The following VEPH1 variants were observed in gnomAD, a reference collection of about 807,000 sequenced individuals.
VEPH1 encodes ventricular zone-expressed PH domain-containing protein homolog 1.
Under a neutral mutation model 85.2 loss-of-function variants are expected in VEPH1, and 80 were observed. The observed-to-expected ratio is 0.94, with a 90% CI of 0.78 to 1.13. VEPH1 has a LOEUF of 1.13. VEPH1 is among the 50% of genes most tolerant of loss of function. The pLI, the probability that VEPH1 is intolerant of heterozygous loss-of-function variation, is 0.00. For synonymous variants in VEPH1, 297 were observed against 348.0 expected, an observed-to-expected ratio of 0.85 and a Z score of 1.63; for missense variants, 955 against 980.5, an observed-to-expected ratio of 0.97 and a Z score of 0.35.
chr3:157,435,662 G>A (rs1733514764), intron 4 of VEPH1, among the ~76,000 whole-genome samples: 1 of 152,186 alleles, frequency 6.6e-6, no homozygotes, highest in Non-Finnish European at 1.5e-5. Context: ...AGGGGCCCTA[G>A]CATCAGCTCA....
intron 11 of VEPH1, among the ~76,000 whole-genome samples, chr3:157,295,441 A>T (rs76742944): frequency 4.9e-5 from 7 of 142,592 alleles, no homozygotes; most frequent in Middle Eastern, 3.3e-3. Context: ...TGAAAAAATT[A>T]AAAAAAAAAA....
chr3:157,443,241 T>G (rs574613931), intron 4 of VEPH1: 3 of 367,242 alleles, frequency 8.2e-6, no homozygotes, highest in Admixed American at 8.3e-5. Flanking sequence ...TCAGATAAAC[T>G]CTCAAATAAT....
intron 11 of VEPH1, among the ~76,000 whole-genome samples, chr3:157,303,241 G>GTCTGACATTT (rs1323603728): frequency 6.6e-6 from 1 of 152,090 alleles, no homozygotes; most frequent in Non-Finnish European, 1.5e-5. Flanking sequence ...GCTCAGAGAA[G>GTCTGACATTT]GCTTCCTTGA....
chr3:157,295,458 A>T (rs946904713), intron 11 of VEPH1, among the ~76,000 whole-genome samples: 2 of 151,994 alleles, frequency 1.3e-5, no homozygotes, highest in African/African-American at 4.8e-5. Context: ...AAAAAGAATT[A>T]TCATTTTGTT....
At chr3:157,491,747 AT>A (rs535071961) in intron 2 of VEPH1, among the ~76,000 whole-genome samples, 2 of 151,880 alleles carry the variant, frequency 1.3e-5, no homozygotes, top group African/African-American at 4.8e-5. Flanking sequence ...AAAGACAATA[AT>A]TTTTTTTGCA....
chr3:157,469,597 GA>G (rs1316359604), intron 3 of VEPH1, among the ~76,000 whole-genome samples: 1 of 152,094 alleles, frequency 6.6e-6, no homozygotes, highest in Non-Finnish European at 1.5e-5. Flanking sequence ...ATTCAAAAGG[GA>G]AAAAAGAATT....
Position 157,369,192 on chromosome 3 carries a change from A to AAAAAC in VEPH1, c.1128-4681_1128-4680insGTTTT, listed in dbSNP as rs1553773121. Among the ~76,000 whole-genome samples the AAAAAC allele has an allele frequency of 1.3e-4, 19 of 142,702 alleles. 1 individual carries two copies. The South Asian group carries it at 1.7e-3, about 13-fold the overall frequency. 93.6% of individuals were successfully genotyped at this position (142,702 alleles called of 152,430 possible). A position where few individuals can be genotyped will look rare whatever the true frequency, so the allele number is the denominator to read the frequency against. On this transcript the variant is annotated intron_variant, in intron 7 of 13. Transcript: ENST00000362010. The stretch of plus-strand genomic sequence containing the variant: ...ACAAAAACCAAATGAAAAAAAAAAA[A>AAAAAC]AAAAAAAAAAAACCTCCTGAGGTCT...
At chr3:157,307,890 AT>A (rs1318705261) in intron 11 of VEPH1, among the ~76,000 whole-genome samples, 3 of 151,634 alleles carry the variant, frequency 2.0e-5, no homozygotes, top group Non-Finnish European at 4.4e-5. Flanking sequence ...ATATTAAAAA[AT>A]TTTTTATCAT....
At chr3:157,446,311 T>C (rs529470807) in intron 4 of VEPH1, among the ~76,000 whole-genome samples, 272 of 152,290 alleles carry the variant, frequency 1.8e-3, no homozygotes, top group African/African-American at 6.4e-3. Flanking sequence ...CCACGCAAAC[T>C]GGAACAGTTT....
intron 3 of VEPH1, among the ~76,000 whole-genome samples, chr3:157,467,181 G>T (rs1186788563): frequency 6.7e-6 from 1 of 150,192 alleles, no homozygotes; most frequent in African/African-American, 2.5e-5. Flanking sequence ...CAGTGAAGTG[G>T]CCAGAAAAAA....
intron 6 of VEPH1, among the ~76,000 whole-genome samples, chr3:157,407,144 A>G (rs1731201099): frequency 6.6e-6 from 1 of 152,188 alleles, no homozygotes; most frequent in Non-Finnish European, 1.5e-5. Context: ...GAAGGAAATA[A>G]TGAAAAAGTA....
chr3:157,313,900 A>G (rs1720419482), intron 10 of VEPH1, 145 bp from the exon 11 acceptor site: 3 of 1,072,692 alleles, frequency 2.8e-6, no homozygotes, highest in Non-Finnish European at 3.9e-6. Flanking sequence ...ATCTGTCTTA[A>G]AGATCGAACA....
chr3:157,448,541 T>C (rs1734718869), intron 4 of VEPH1, among the ~76,000 whole-genome samples: 1 of 152,190 alleles, frequency 6.6e-6, no homozygotes, highest in Admixed American at 6.5e-5. Flanking sequence ...ACTGCAGTTG[T>C]AGGGTCTTCA....
intron 4 of VEPH1, among the ~76,000 whole-genome samples, chr3:157,454,645 G>T (rs907853586): frequency 4.6e-5 from 7 of 152,066 alleles, no homozygotes; most frequent in African/African-American, 1.7e-4. Context: ...ACATGTGCAG[G>T]TTTCTTACAA....
At chr3:157,419,737 G>A (rs1458838286) in intron 5 of VEPH1, among the ~76,000 whole-genome samples, 1 of 152,174 alleles carries the variant, frequency 6.6e-6, no homozygotes, top group African/African-American at 2.4e-5. Context: ...ATGTAAATTA[G>A]TTCAACCATT....
At chr3:157,322,542 G>T (rs1721462252) in intron 9 of VEPH1, among the ~76,000 whole-genome samples, 2 of 152,136 alleles carry the variant, frequency 1.3e-5, no homozygotes, top group South Asian at 2.1e-4. Context: ...TTTCGTATTA[G>T]AAATGAAATT....
intron 2 of VEPH1, among the ~76,000 whole-genome samples, chr3:157,484,028 C>T (rs529761606): frequency 5.0e-4 from 76 of 152,148 alleles, no homozygotes; most frequent in African/African-American, 1.7e-3. Context: ...AAAACTATAT[C>T]TAGACATGTA....
chr3:157,400,456 T>A (rs1730718461), intron 6 of VEPH1, among the ~76,000 whole-genome samples: 1 of 152,172 alleles, frequency 6.6e-6, no homozygotes, highest in Admixed American at 6.5e-5. Context: ...CAAAAAGATG[T>A]TTGAATGAAA....
At position 157,441,359 on chromosome 3, in the gene VEPH1, G is replaced by T. The variant is rs140560672; in HGVS notation, c.530-12871C>A. The stretch of plus-strand genomic sequence containing the variant: ...GACTATCTCTTATGGTTGGCATAAG[G>T]ATTAAAATGACAAACAAAATGATTA... On this transcript the variant is annotated intron_variant, in intron 4 of 13. Transcript: ENST00000362010. Among the ~76,000 whole-genome samples, 161 of 152,304 alleles carry T rather than the reference G, an allele frequency of 1.1e-3. 1 individual carries two copies. The highest frequency in any genetic ancestry group is 2.8e-3 in the African/African-American group (118 of 41,558).
Sources: allele counts gnomAD v4.1 joint callset (sites outside exome capture counted in the v4.1 genomes callset), GRCh38; gene constraint gnomAD v4.1.1; transcripts MANE v1.5; gene names NCBI Gene and HGNC (gene_info 2026-07-23, HGNC 2026-07-21).